EPB41L2: variants seen among roughly 807,000 people sequenced by gnomAD.
EPB41L2 encodes the protein band 4.1-like protein 2.
Under a neutral mutation model 113.0 loss-of-function variants are expected in EPB41L2, and 43 were observed. That is an observed-to-expected ratio of 0.38 (90% CI 0.30 to 0.49). The LOEUF (loss-of-function observed/expected upper bound fraction) is 0.49, where lower values mean the gene tolerates loss of function less well. Ranked by LOEUF, EPB41L2 falls within the 20% of genes least tolerant of loss-of-function variation. EPB41L2 has a pLI of 0.95. For missense variants in EPB41L2, 1,147 were observed against 1,223.4 expected, an observed-to-expected ratio of 0.94 and a Z score of 0.93; for synonymous variants, 442 against 436.7, an observed-to-expected ratio of 1.01 and a Z score of -0.15.
intron 4 of EPB41L2, among the ~76,000 whole-genome samples, chr6:130,912,179 T>C (rs563113445): frequency 2.8e-4 from 42 of 152,276 alleles, no homozygotes; most frequent in African/African-American, 8.9e-4. Flanking sequence ...CACCCCGGTA[T>C]GTGGAAAAAT....
At chr6:130,857,686 G>C (rs1297419177) in intron 19 of EPB41L2, among the ~76,000 whole-genome samples, 2 of 149,636 alleles carry the variant, frequency 1.3e-5, no homozygotes, top group Non-Finnish European at 2.9e-5. Context: ...AGGCTCCCAA[G>C]TATGGGATTA....
chr6:130,923,799 T>C (rs1384273019), intron 4 of EPB41L2, among the ~76,000 whole-genome samples: 2 of 152,266 alleles, frequency 1.3e-5, no homozygotes, highest in Non-Finnish European at 2.9e-5. Flanking sequence ...CACGCTGGTT[T>C]GTACACAGGT....
chr6:130,867,338 G>A, intron 16 of EPB41L2, 121 bp downstream of exon 16: 1 of 1,254,890 alleles, frequency 8.0e-7, no homozygotes, highest in Non-Finnish European at 1.1e-6. Context: ...CACTTACAAA[G>A]TGCAGATACA....
chr6:130,911,511 A>G (rs1376744760), intron 4 of EPB41L2, among the ~76,000 whole-genome samples: 2 of 152,156 alleles, frequency 1.3e-5, no homozygotes, highest in Non-Finnish European at 2.9e-5. Context: ...CCCAGAACTT[A>G]AAGTACAATA....
At chr6:130,893,722 C>T (rs879670907) in intron 10 of EPB41L2, among the ~76,000 whole-genome samples, 21 of 152,150 alleles carry the variant, frequency 1.4e-4, no homozygotes, top group Non-Finnish European at 3.1e-4. Flanking sequence ...GGTCAGGACA[C>T]AGGACTAATC....
intron 8 of EPB41L2, among the ~76,000 whole-genome samples, chr6:130,896,842 G>A (rs1259492594): frequency 6.6e-6 from 1 of 152,136 alleles, no homozygotes; most frequent in African/African-American, 2.4e-5. Context: ...GGCAATGCAT[G>A]GAGATGGCTG....
chr6:130,844,526 G>A (rs1376020855), intron 19 of EPB41L2, among the ~76,000 whole-genome samples: 1 of 152,034 alleles, frequency 6.6e-6, no homozygotes, highest in Non-Finnish European at 1.5e-5. Context: ...AGCTGGGATC[G>A]TGCCACTGTA....
intron 1 of EPB41L2, among the ~76,000 whole-genome samples, chr6:131,060,149 C>T (rs1368693049): frequency 3.3e-5 from 5 of 152,226 alleles, no homozygotes; most frequent in African/African-American, 1.2e-4. Context: ...GCGTGCGCCA[C>T]CATGCCCGGC....
intron 18 of EPB41L2, among the ~76,000 whole-genome samples, chr6:130,861,364 C>A (rs9402294): frequency 1.3e-5 from 2 of 152,236 alleles, no homozygotes; most frequent in South Asian, 2.1e-4. Flanking sequence ...GAGCCACCGC[C>A]CCCAGCCTGA....
chr6:130,931,686 T>C (rs1341677063), intron 3 of EPB41L2, among the ~76,000 whole-genome samples: 4 of 152,144 alleles, frequency 2.6e-5, no homozygotes, highest in South Asian at 4.1e-4. Context: ...ATAATTCTCT[T>C]TGGGGTGGGG....
At chr6:130,941,803 G>A (rs531744993) in intron 3 of EPB41L2, among the ~76,000 whole-genome samples, 1 of 152,290 alleles carries the variant, frequency 6.6e-6, no homozygotes, top group East Asian at 1.9e-4. Flanking sequence ...GATGTAGTTT[G>A]ATTACTAGAC....
At chr6:130,965,400 C>T (rs1032444528) in intron 1 of EPB41L2, among the ~76,000 whole-genome samples, 2 of 151,704 alleles carry the variant, frequency 1.3e-5, no homozygotes, top group African/African-American at 4.8e-5. Flanking sequence ...ACTGGTTAAA[C>T]ACTCATAACA....
At chr6:130,848,223 A>T (rs1004640041) in intron 19 of EPB41L2, among the ~76,000 whole-genome samples, 1 of 151,000 alleles carries the variant, frequency 6.6e-6, no homozygotes, top group Non-Finnish European at 1.5e-5. Flanking sequence ...ACACACACAC[A>T]CACACACACA....
intron 1 of EPB41L2, among the ~76,000 whole-genome samples, chr6:130,993,763 G>A (rs1036024147): frequency 1.3e-5 from 2 of 152,146 alleles, no homozygotes. Flanking sequence ...TCAGGCCCTG[G>A]GGAGAATCTT....
chr6:130,964,988 G>A (rs552614187), intron 1 of EPB41L2, among the ~76,000 whole-genome samples: 14 of 152,260 alleles, frequency 9.2e-5, no homozygotes, highest in African/African-American at 2.4e-4. Context: ...CATGATGCCC[G>A]ACAGTTAATG....
intron 4 of EPB41L2, among the ~76,000 whole-genome samples, chr6:130,910,752 G>T (rs1190223437): frequency 1.3e-5 from 2 of 152,142 alleles, no homozygotes; most frequent in African/African-American, 4.8e-5. Context: ...ACATTTATGT[G>T]GCCAACAAAC....
intron 3 of EPB41L2, among the ~76,000 whole-genome samples, chr6:130,941,850 T>C (rs1342493551): frequency 6.6e-6 from 1 of 152,200 alleles, no homozygotes; most frequent in Non-Finnish European, 1.5e-5. Context: ...CTCTCCAGAA[T>C]ATAAGAGTCA....
At position 130,955,307 on chromosome 6, in the gene EPB41L2, A is replaced by G; in HGVS notation, c.503T>C (p.Leu168Ser). The change falls in exon 3 of 20, where the codon TTA (leucine) becomes TCA (serine). Residue 168 changes from leucine (L) to serine (S), a missense_variant. Physicochemically the swap from Leu to Ser is moderately radical, Grantham distance 145 (BLOSUM62 -2). Transcript: ENST00000337057. ...VSKVEMQPTE[L>S]VSKEREEKVK... Reference sequence around the variant, plus strand: ...CTTCTCTTCTCTCTCCTTACTTACTAATTCAGTAGGCTGTTGAGGAAAAAA... The same window carrying G: ...CTTCTCTTCTCTCTCCTTACTTACTGATTCAGTAGGCTGTTGAGGAAAAAA... The G allele has an allele frequency of 6.2e-7, 1 of 1,601,932 alleles. No homozygotes were observed. The highest frequency in any genetic ancestry group is 8.5e-7 in the Non-Finnish European group (1 of 1,178,194).
chr6:131,040,915 C>A (rs1794333992), intron 1 of EPB41L2, among the ~76,000 whole-genome samples: 1 of 152,112 alleles, frequency 6.6e-6, no homozygotes, highest in African/African-American at 2.4e-5. Flanking sequence ...TTAAGCCAAC[C>A]AAGAAAAACA....
Sources: allele counts gnomAD v4.1 joint callset (sites outside exome capture counted in the v4.1 genomes callset), GRCh38; gene constraint gnomAD v4.1.1; transcripts MANE v1.5; gene names NCBI Gene and HGNC (gene_info 2026-07-23, HGNC 2026-07-21).